The following PPP2R2B variants were observed in gnomAD, a reference collection of about 807,000 sequenced individuals.
PPP2R2B encodes the protein protein phosphatase 2 regulatory subunit Bbeta, also known as serine/threonine-protein phosphatase 2A 55 kDa regulatory subunit B beta isoform.
PPP2R2B carries 5 observed loss-of-function variants against 46.0 expected under a neutral mutation model. The ratio of observed to expected loss-of-function variants is 0.11; its 90% CI spans 0.06 to 0.23. PPP2R2B has a LOEUF of 0.23. PPP2R2B is among the 10% of genes least tolerant of loss of function. The pLI, the probability that PPP2R2B is intolerant of heterozygous loss-of-function variation, is 1.00. For missense variants in PPP2R2B, 367 were observed against 575.0 expected, an observed-to-expected ratio of 0.64 and a Z score of 3.70; for synonymous variants, 215 against 206.7, an observed-to-expected ratio of 1.04 and a Z score of -0.34.
intron 1 of PPP2R2B, among the ~76,000 whole-genome samples, chr5:147,051,355 C>T (rs1457740986): frequency 2.6e-5 from 4 of 152,128 alleles, no homozygotes; most frequent in African/African-American, 9.7e-5. Context: ...GGGACAGGCA[C>T]AGCCCTTAGC....
At chr5:146,771,274 A>G (rs1310849079) in intron 2 of PPP2R2B, among the ~76,000 whole-genome samples, 2 of 152,216 alleles carry the variant, frequency 1.3e-5, no homozygotes, top group African/African-American at 4.8e-5. Flanking sequence ...CAGCACCAGC[A>G]CAGAAATTTC....
intron 2 of PPP2R2B, among the ~76,000 whole-genome samples, chr5:146,743,256 T>C (rs1034534967): frequency 4.6e-5 from 7 of 152,200 alleles, no homozygotes; most frequent in African/African-American, 1.4e-4. Context: ...GAATTCTTTT[T>C]CTTCCCTTTT....
chr5:146,828,729 ACT>A (rs1191546732), intron 2 of PPP2R2B, among the ~76,000 whole-genome samples: 5 of 152,178 alleles, frequency 3.3e-5, no homozygotes, highest in East Asian at 3.9e-4. Flanking sequence ...TGCAAGCCAA[ACT>A]CTCTGAAGAA....
intron 1 of PPP2R2B, among the ~76,000 whole-genome samples, chr5:146,928,178 G>A (rs1222145448): frequency 6.6e-6 from 1 of 152,118 alleles, no homozygotes; most frequent in African/African-American, 2.4e-5. Context: ...TCCTGTGACA[G>A]TTTTTCTTCT....
intron 7 of PPP2R2B, among the ~76,000 whole-genome samples, chr5:146,608,679 C>T (rs551067543): frequency 4.2e-4 from 64 of 152,208 alleles, no homozygotes; most frequent in Non-Finnish European, 6.8e-4. Context: ...CCTATAGTCC[C>T]AGCTACCTGG....
chr5:146,585,639 T>A lies in PPP2R2B; in HGVS notation c.*4308A>T, dbSNP rs1770119810. The stretch of plus-strand genomic sequence containing the variant: ...TGTGCCCTTGGCTAGGTTGACAACT[T>A]GAGTCTATTTTCTCATTTGCAAAAT... On this transcript the variant is annotated 3_prime_UTR_variant, in exon 10 of 10. Transcript: ENST00000394411. The A allele has an allele frequency of 6.6e-6, 1 of 152,202 alleles. No homozygotes were observed. Among genetic ancestry groups the A allele is most frequent in the Non-Finnish European group, 1.5e-5 (1 of 68,036 alleles). The allele number at this position is 152,202 out of a possible 1,614,324, so 9.4% of individuals were successfully genotyped here.
chr5:146,911,384 T>C (rs1038211115), intron 1 of PPP2R2B, among the ~76,000 whole-genome samples: 3 of 152,150 alleles, frequency 2.0e-5, no homozygotes, highest in African/African-American at 7.2e-5. Context: ...GGCCAGCCTC[T>C]TGACTTTTAA....
intron 2 of PPP2R2B, among the ~76,000 whole-genome samples, chr5:147,078,489 T>A (rs1351013264): frequency 6.6e-6 from 1 of 151,988 alleles, no homozygotes; most frequent in Non-Finnish European, 1.5e-5. Flanking sequence ...GGTAAACTCA[T>A]TAAAACACAT....
intron 2 of PPP2R2B, among the ~76,000 whole-genome samples, chr5:146,825,246 G>T (rs566959675): frequency 1.4e-4 from 21 of 152,280 alleles, no homozygotes; most frequent in African/African-American, 4.3e-4. Context: ...TGTCCATGGT[G>T]CTGGGAAAGC....
chr5:146,589,699 A>G lies in PPP2R2B; in HGVS notation c.*248T>C, dbSNP rs768442911. The G allele has an allele frequency of 1.1e-4, 53 of 474,024 alleles. No homozygotes were observed. The highest frequency in any genetic ancestry group is 1.9e-4 in the Non-Finnish European group (52 of 267,610). The allele number at this position is 474,024 out of a possible 1,614,324, so 29.4% of individuals were successfully genotyped here. ...ATAAAAGCATCAGAAGTTCAAGTCAACTATGGAAGAATTACTGTTAGCTGG... is the reference window on the plus strand; with the variant it reads ...ATAAAAGCATCAGAAGTTCAAGTCAGCTATGGAAGAATTACTGTTAGCTGG... On this transcript the variant is annotated 3_prime_UTR_variant, in exon 10 of 10. Coordinates refer to ENST00000394411, the MANE Select transcript of PPP2R2B (RefSeq NM_181675.4).
chr5:146,762,421 TA>T (rs1161143179), intron 2 of PPP2R2B, among the ~76,000 whole-genome samples: 3 of 152,170 alleles, frequency 2.0e-5, no homozygotes, highest in Non-Finnish European at 2.9e-5. Flanking sequence ...AGATAGTGAA[TA>T]TAAAACACAT....
chr5:146,658,148 G>GT (rs531715925), intron 5 of PPP2R2B, among the ~76,000 whole-genome samples: 174 of 152,304 alleles, frequency 1.1e-3, no homozygotes, highest in African/African-American at 3.7e-3. Context: ...AAAAGACAAA[G>GT]ATGAGAGCGG....
chr5:146,939,556 G>A (rs531064631), intron 1 of PPP2R2B, among the ~76,000 whole-genome samples: 23 of 152,284 alleles, frequency 1.5e-4, no homozygotes, highest in African/African-American at 5.5e-4. Context: ...TTTTCTAAAA[G>A]ACAAACTTTT....
At chr5:146,687,819 C>T (rs1056906816) in intron 5 of PPP2R2B, among the ~76,000 whole-genome samples, 9 of 152,064 alleles carry the variant, frequency 5.9e-5, no homozygotes, top group African/African-American at 1.9e-4. Flanking sequence ...GTTCATTACA[C>T]AGTAAGGATT....
In PPP2R2B at chr5:146,587,262, G is replaced by GAAACATCGTGGTGGTTATTGCTCCCT. The variant is rs1454990051; in HGVS notation, c.*2659_*2684dup. The stretch of plus-strand genomic sequence containing the variant: ...ACCTGGTAAAGAACAGTTAATTTGT[G>GAAACATCGTGGTGGTTATTGCTCCCT]AAACATCGTGGTGGTTATTGCTCCC... On this transcript the variant is annotated 3_prime_UTR_variant, in exon 10 of 10. Transcript: ENST00000394411. The GAAACATCGTGGTGGTTATTGCTCCCT allele has an allele frequency of 6.6e-6, 1 of 152,200 alleles. No homozygotes were observed. Among genetic ancestry groups the GAAACATCGTGGTGGTTATTGCTCCCT allele is most frequent in the Non-Finnish European group, 1.5e-5 (1 of 68,050 alleles). 9.4% of individuals were successfully genotyped at this position (152,200 alleles called of 1,614,324 possible). A position where few individuals can be genotyped will look rare whatever the true frequency, so the allele number is the denominator to read the frequency against.
chr5:147,004,099 C>G (rs1481576907), intron 1 of PPP2R2B, among the ~76,000 whole-genome samples: 1 of 152,132 alleles, frequency 6.6e-6, no homozygotes, highest in African/African-American at 2.4e-5. Flanking sequence ...AGTCATGGCC[C>G]TCAGACAAAC....
intron 2 of PPP2R2B, among the ~76,000 whole-genome samples, chr5:146,827,943 A>T (rs914798197): frequency 6.6e-6 from 1 of 152,112 alleles, no homozygotes; most frequent in African/African-American, 2.4e-5. Flanking sequence ...TGAGAAAGAG[A>T]GCAATCTCTG....
chr5:146,846,251 C>T (rs1760000771), intron 2 of PPP2R2B, among the ~76,000 whole-genome samples: 1 of 151,452 alleles, frequency 6.6e-6, no homozygotes, highest in Non-Finnish European at 1.5e-5. Flanking sequence ...TGGTGGTGTG[C>T]ACCTGTAATC....
intron 1 of PPP2R2B, among the ~76,000 whole-genome samples, chr5:147,053,651 G>A (rs1756938948): frequency 6.6e-6 from 1 of 152,170 alleles, no homozygotes; most frequent in African/African-American, 2.4e-5. Context: ...GCAAAGTGAT[G>A]TGTTTGAGGA....
Sources: gnomAD v4.1 joint callset for allele counts (sites outside exome capture counted in the v4.1 genomes callset) on GRCh38, gnomAD v4.1.1 for gene constraint, MANE v1.5 for transcripts, NCBI Gene and HGNC (gene_info 2026-07-23, HGNC 2026-07-21) for gene names.